The following SPAG16 variants were observed in gnomAD, a reference collection of about 807,000 sequenced individuals.
SPAG16 encodes the protein sperm-associated antigen 16 protein.
SPAG16 carries 86 observed loss-of-function variants against 80.4 expected under a neutral mutation model. The ratio of observed to expected loss-of-function variants is 1.07; its 90% confidence interval spans 0.90 to 1.28. The LOEUF (loss-of-function observed/expected upper bound fraction) is 1.28, where lower values mean the gene tolerates loss of function less well. Ranked by LOEUF, SPAG16 falls within the 50% of genes most tolerant of loss-of-function variation. The probability of loss-of-function intolerance (pLI) is 0.00; values close to 1 mark genes in which losing one functional copy is unlikely to be tolerated. For missense variants in SPAG16, 870 were observed against 765.3 expected, an observed-to-expected ratio of 1.14 and a Z score of -1.61; for synonymous variants, 294 against 265.9, an observed-to-expected ratio of 1.11 and a Z score of -1.03.
intron 12 of SPAG16, among the ~76,000 whole-genome samples, chr2:213,945,946 A>G (rs1295986986): frequency 6.6e-6 from 1 of 152,214 alleles, no homozygotes; most frequent in African/African-American, 2.4e-5. Context: ...TGTTTCTCTT[A>G]TAATCACTTT....
At position 214,234,337 on chromosome 2, in the gene SPAG16, T is replaced by G. The variant is rs535520375; in HGVS notation, c.1720+85071T>G. Among the ~76,000 whole-genome samples, 9 of 152,298 alleles carry G rather than the reference T, an allele frequency of 5.9e-5. No homozygotes were observed. In the East Asian group the frequency reaches 1.7e-3, roughly 29 times the overall value. ...ATGTCTTTGCTATTGTGAATAGTGCTGCAATGAACATAGGAGTGCATGTAT... is the reference window on the plus strand; with the variant it reads ...ATGTCTTTGCTATTGTGAATAGTGCGGCAATGAACATAGGAGTGCATGTAT... On this transcript the variant is annotated intron_variant, in intron 15 of 15. Transcript: ENST00000331683.
At chr2:214,185,511 A>T (rs2125681785) in intron 15 of SPAG16, among the ~76,000 whole-genome samples, 1 of 152,296 alleles carries the variant, frequency 6.6e-6, no homozygotes, top group African/African-American at 2.4e-5. Flanking sequence ...AAGTCTACAG[A>T]ATGATGATGA....
At chr2:214,245,700 G>A (rs16851649) in intron 15 of SPAG16, among the ~76,000 whole-genome samples, 7,853 of 152,150 alleles carry the variant, frequency 0.052, 696 homozygotes, top group African/African-American at 0.18. Flanking sequence ...CCATCTGCTG[G>A]TAAAATTTAA....
chr2:214,169,545 TCTCTCC>T (rs2056794952), intron 15 of SPAG16, among the ~76,000 whole-genome samples: 1 of 152,058 alleles, frequency 6.6e-6, no homozygotes, highest in Non-Finnish European at 1.5e-5. Context: ...CCATTGATAT[TCTCTCC>T]AATATTTTTG....
At chr2:213,327,099 A>C (rs2063875321) in intron 5 of SPAG16, among the ~76,000 whole-genome samples, 1 of 151,764 alleles carries the variant, frequency 6.6e-6, no homozygotes, top group Non-Finnish European at 1.5e-5. Context: ...GTACACATTT[A>C]AATAGAATGT....
intron 9 of SPAG16, among the ~76,000 whole-genome samples, chr2:213,411,965 T>C (rs971648076): frequency 6.6e-6 from 1 of 152,188 alleles, no homozygotes; most frequent in African/African-American, 2.4e-5. Context: ...AGATATGGGT[T>C]CTAAATTTCT....
intron 7 of SPAG16, among the ~76,000 whole-genome samples, chr2:213,363,311 G>T (rs1374219926): frequency 6.6e-6 from 1 of 151,934 alleles, no homozygotes; most frequent in Non-Finnish European, 1.5e-5. Flanking sequence ...TCTAGGAATA[G>T]ATAGTAATCT....
intron 12 of SPAG16, among the ~76,000 whole-genome samples, chr2:213,962,689 G>A (rs1452889996): frequency 6.6e-6 from 1 of 152,220 alleles, no homozygotes; most frequent in Non-Finnish European, 1.5e-5. Flanking sequence ...CACCCAGTCT[G>A]TGGAGTTTGT....
intron 10 of SPAG16, among the ~76,000 whole-genome samples, chr2:213,548,362 A>G (rs1189194132): frequency 6.6e-6 from 1 of 151,920 alleles, no homozygotes; most frequent in East Asian, 1.9e-4. Flanking sequence ...ACAGGCGCCC[A>G]CCACCATGCC....
intron 10 of SPAG16, among the ~76,000 whole-genome samples, chr2:213,671,157 A>G (rs2063798924): frequency 6.6e-6 from 1 of 152,238 alleles, no homozygotes; most frequent in Non-Finnish European, 1.5e-5. Flanking sequence ...TTAACATACT[A>G]GAAAAATATG....
chr2:214,103,018 C>T (rs2053162523), intron 13 of SPAG16, among the ~76,000 whole-genome samples: 1 of 152,060 alleles, frequency 6.6e-6, no homozygotes. Flanking sequence ...TTTTCCTTAC[C>T]CTTTGGAATT....
At chr2:214,361,878 C>T (rs995371340) in intron 15 of SPAG16, among the ~76,000 whole-genome samples, 2 of 151,812 alleles carry the variant, frequency 1.3e-5, no homozygotes, top group Non-Finnish European at 2.9e-5. Context: ...GAGATAATTG[C>T]GTTATGTTAT....
chr2:214,086,238 G>T (rs1452077400), intron 13 of SPAG16, among the ~76,000 whole-genome samples: 1 of 152,022 alleles, frequency 6.6e-6, no homozygotes, highest in Non-Finnish European at 1.5e-5. Flanking sequence ...ATTAATTAAG[G>T]TTGTTACCAA....
chr2:214,113,530 T>C (rs2053781818), intron 14 of SPAG16, among the ~76,000 whole-genome samples: 1 of 152,214 alleles, frequency 6.6e-6, no homozygotes, highest in Non-Finnish European at 1.5e-5. Context: ...TTTTTAACTC[T>C]TTTTTCTCTA....
At chr2:213,678,556 C>G (rs115884673) in intron 10 of SPAG16, among the ~76,000 whole-genome samples, 126 of 152,254 alleles carry the variant, frequency 8.3e-4, no homozygotes, top group Middle Eastern at 3.4e-3. Flanking sequence ...TAACCACTAT[C>G]GGTACACCTT....
At chr2:214,235,485 G>T (rs1040835809) in intron 15 of SPAG16, among the ~76,000 whole-genome samples, 18 of 152,006 alleles carry the variant, frequency 1.2e-4, no homozygotes, top group Non-Finnish European at 2.4e-4. Flanking sequence ...AACTTAACTT[G>T]TCCTTCGAGC....
At chr2:213,850,095 A>G (rs1482965952) in intron 10 of SPAG16, among the ~76,000 whole-genome samples, 2 of 152,152 alleles carry the variant, frequency 1.3e-5, no homozygotes, top group African/African-American at 4.8e-5. Flanking sequence ...GATTGTCCTC[A>G]TTTCATTTAC....
intron 10 of SPAG16, among the ~76,000 whole-genome samples, chr2:213,633,052 CT>C (rs1174217350): frequency 6.6e-6 from 1 of 152,052 alleles, no homozygotes; most frequent in Non-Finnish European, 1.5e-5. Context: ...GGTATTAGTT[CT>C]TCTTTGAATG....
At chr2:213,936,771 A>G (rs1002155552) in intron 12 of SPAG16, among the ~76,000 whole-genome samples, 1 of 152,222 alleles carries the variant, frequency 6.6e-6, no homozygotes, top group Non-Finnish European at 1.5e-5. Context: ...TCCAGAAGCC[A>G]TGACAGAATG....
Sources: allele counts gnomAD v4.1 joint callset (sites outside exome capture counted in the v4.1 genomes callset), GRCh38; gene constraint gnomAD v4.1.1; transcripts MANE v1.5; gene names NCBI Gene and HGNC (gene_info 2026-07-23, HGNC 2026-07-21).